Variants in PAN3 observed in about 807,000 individuals in gnomAD.
PAN3 encodes poly(A) specific ribonuclease subunit PAN3, also known as PAN2-PAN3 deadenylation complex subunit PAN3.
A neutral mutation model predicts 96.2 loss-of-function variants in PAN3; 19 were observed. The ratio of observed to expected loss-of-function variants is 0.20; its 90% CI spans 0.14 to 0.29. The LOEUF (loss-of-function observed/expected upper bound fraction) is 0.29, where lower values mean the gene tolerates loss of function less well. Among genes scored for constraint, PAN3 ranks in the 10% least tolerant of loss-of-function variants. The pLI, the probability that PAN3 is intolerant of heterozygous loss-of-function variation, is 1.00. For synonymous variants in PAN3, 433 were observed against 406.6 expected (o/e 1.06, Z -0.78); for missense variants, 882 against 1,108.1 (o/e 0.80, Z 2.90).
intron 4 of PAN3, among the ~76,000 whole-genome samples, chr13:28,193,281 C>G (rs932683132): frequency 6.6e-6 from 1 of 152,022 alleles, no homozygotes; most frequent in African/African-American, 2.4e-5. Context: ...TTTATAATGG[C>G]ACATGTTTAG....
At chr13:28,262,473 G>A (rs1183898220) in intron 9 of PAN3, among the ~76,000 whole-genome samples, 1 of 152,134 alleles carries the variant, frequency 6.6e-6, no homozygotes, top group Admixed American at 6.5e-5. Context: ...AAATATGTCT[G>A]GCTGTTACAC....
At chr13:28,257,220 T>G (rs1037322684) in intron 7 of PAN3, among the ~76,000 whole-genome samples, 1 of 152,018 alleles carries the variant, frequency 6.6e-6, no homozygotes, top group Admixed American at 6.6e-5. Context: ...GAAAGATTTC[T>G]TATCAGAGTC....
chr13:28,181,915 G>T (rs796804331), intron 4 of PAN3, among the ~76,000 whole-genome samples: 57 of 152,236 alleles, frequency 3.7e-4, no homozygotes, highest in African/African-American at 1.3e-3. Context: ...TAATTTTATA[G>T]AGAGAAAAAG....
At chr13:28,194,404 G>A (rs1390875181) in intron 4 of PAN3, among the ~76,000 whole-genome samples, 1 of 147,564 alleles carries the variant, frequency 6.8e-6, no homozygotes, top group African/African-American at 2.5e-5. Flanking sequence ...ATATATGTGT[G>A]TGTATATATA....
intron 6 of PAN3, among the ~76,000 whole-genome samples, chr13:28,229,269 A>G (rs1016238262): frequency 1.3e-5 from 2 of 152,198 alleles, no homozygotes; most frequent in Non-Finnish European, 2.9e-5. Flanking sequence ...AATATCACCA[A>G]AGCAGCTGCA....
rs1172339110 is a variant in PAN3 at position 28,267,365 on chromosome 13, C to T, written c.1756C>T (p.Pro586Ser). The change falls in exon 12 of 19, where the codon CCT (proline) becomes TCT (serine). Residue 586 changes from proline (P) to serine (S), a missense_variant. Transcript: ENST00000380958. ...TATGATGAGCAGACACTTTAATGAC[C>T]CTAATGCTGATGCCTACTTCACCAA... Reference protein sequence around the residue: ...ETMMSRHFNDPNADAYFTKRK... With the variant: ...ETMMSRHFNDSNADAYFTKRK... 2 of 1,613,618 alleles carry T rather than the reference C, an allele frequency of 1.2e-6. No homozygotes were observed. The highest frequency in any genetic ancestry group is 3.3e-5 in the Admixed American group (2 of 59,978).
chr13:28,240,920 A>C (rs952796585), intron 6 of PAN3, among the ~76,000 whole-genome samples: 1 of 152,192 alleles, frequency 6.6e-6, no homozygotes, highest in Non-Finnish European at 1.5e-5. Flanking sequence ...ACATATGCCT[A>C]TGTCTTGTTT....
At chr13:28,290,131 A>G (rs1869565101) in intron 18 of PAN3, among the ~76,000 whole-genome samples, 1 of 152,248 alleles carries the variant, frequency 6.6e-6, no homozygotes, top group Admixed American at 6.5e-5. Flanking sequence ...GAGTTGTAAA[A>G]TAAACAATAA....
chr13:28,228,159 CT>C (rs1882197100), intron 6 of PAN3, among the ~76,000 whole-genome samples: 1 of 152,158 alleles, frequency 6.6e-6, no homozygotes, highest in Non-Finnish European at 1.5e-5. Context: ...ATTTACTGTT[CT>C]GTGTGTTACA....
At chr13:28,210,466 A>G (rs994552572) in intron 5 of PAN3, among the ~76,000 whole-genome samples, 2 of 152,154 alleles carry the variant, frequency 1.3e-5, no homozygotes, top group Non-Finnish European at 2.9e-5. Flanking sequence ...TGTCTCCACC[A>G]ATTTTATCTG....
intron 5 of PAN3, among the ~76,000 whole-genome samples, chr13:28,207,672 C>T (rs1056423733): frequency 9.2e-5 from 14 of 152,314 alleles, no homozygotes; most frequent in African/African-American, 2.4e-4. Flanking sequence ...CCTAATTAAA[C>T]AGCATTAGAT....
At chr13:28,144,781 C>T (rs934688631) in intron 1 of PAN3, among the ~76,000 whole-genome samples, 9 of 137,104 alleles carry the variant, frequency 6.6e-5, no homozygotes, top group African/African-American at 2.5e-4. Context: ...AGTGCACTGG[C>T]GCCATCTTGG....
At chr13:28,215,482 G>A (rs1880631150) in intron 5 of PAN3, 1 of 686,844 alleles carries the variant, frequency 1.5e-6, no homozygotes, top group African/African-American at 1.8e-5. Flanking sequence ...TTGGGGGAGT[G>A]TTGCTGTTGA....
chr13:28,270,911 C>T, intron 13 of PAN3, 45 bp downstream of exon 13: 1 of 1,535,912 alleles, frequency 6.5e-7, no homozygotes, highest in Non-Finnish European at 8.9e-7. Context: ...AGCGTCTTAC[C>T]TTTGACAGCT....
intron 6 of PAN3, among the ~76,000 whole-genome samples, chr13:28,248,369 G>A (rs9508009): frequency 6.6e-6 from 1 of 152,026 alleles, no homozygotes; most frequent in African/African-American, 2.4e-5. Context: ...TACAAACAAG[G>A]ATGATTAGAT....
chr13:28,191,722 C>T (rs2138197019), intron 4 of PAN3, among the ~76,000 whole-genome samples: 1 of 152,256 alleles, frequency 6.6e-6, no homozygotes, highest in Non-Finnish European at 1.5e-5. Context: ...TATTCTTTAC[C>T]ATGGAATGAT....
intron 12 of PAN3, 122 bp from the exon 13 acceptor site, chr13:28,270,579 A>C (rs961746364): frequency 2.3e-5 from 23 of 986,422 alleles, no homozygotes; most frequent in Non-Finnish European, 3.4e-5. Flanking sequence ...ACACACACAT[A>C]TATAAATTGA....
rs577467163 is a variant in PAN3, at chr13:28,174,538, C to T, written c.552+145C>T. 7.3e-6 allele frequency: 7 copies of T among 958,296 alleles called. No individual in the cohort carries two copies. In the East Asian group the frequency reaches 1.6e-4, roughly 23 times the overall value. The allele number at this position is 958,296 out of a possible 1,614,324, so 59.4% of individuals were successfully genotyped here. The stretch of plus-strand genomic sequence containing the variant: ...GATGGGTGAGATGTAGGTAAACTAT[C>T]TCCCATGGGGTTGGAGTTAATGAGA... On this transcript the variant is annotated intron_variant, in intron 2 of 18. Coordinates refer to ENST00000380958, the MANE Select transcript of PAN3 (RefSeq NM_175854.8).
intron 9 of PAN3, among the ~76,000 whole-genome samples, chr13:28,262,285 A>G (rs11843353): frequency 6.6e-6 from 1 of 152,248 alleles, no homozygotes; most frequent in Non-Finnish European, 1.5e-5. Context: ...CTTAAAGCGT[A>G]TTAAAGTATC....
Sources: allele counts gnomAD v4.1 joint callset (sites outside exome capture counted in the v4.1 genomes callset), GRCh38; gene constraint gnomAD v4.1.1; transcripts MANE v1.5; gene names NCBI Gene and HGNC (gene_info 2026-07-23, HGNC 2026-07-21).